The following STK24 variants were observed in gnomAD, a reference collection of about 807,000 sequenced individuals.
The protein encoded by STK24 is serine/threonine-protein kinase 24.
STK24 carries 21 observed loss-of-function variants against 55.6 expected under a neutral mutation model. The ratio of observed to expected loss-of-function variants is 0.38; its 90% CI spans 0.27 to 0.54. STK24 has a LOEUF of 0.54. Among genes scored for constraint, STK24 ranks in the 20% least tolerant of loss-of-function variants. The pLI, the probability that STK24 is intolerant of heterozygous loss-of-function variation, is 0.79. For missense variants in STK24, 383 were observed against 538.4 expected (o/e 0.71, Z 2.86); for synonymous variants, 200 against 215.2 (o/e 0.93, Z 0.62).
At chr13:98,466,228 G>T in intron 6 of STK24, 148 bp downstream of exon 6, 2 of 663,552 alleles carry the variant, frequency 3.0e-6, no homozygotes, top group Non-Finnish European at 4.5e-6. Flanking sequence ...GCAAACCAAA[G>T]AAGTCAATCA....
chr13:98,482,344 G>A (rs1594597283), intron 2 of STK24, 23 bp from the exon 3 acceptor site: 8 of 1,431,062 alleles, frequency 5.6e-6, no homozygotes, highest in South Asian at 1.3e-5. Flanking sequence ...AAAAAGAAGA[G>A]AATCATTTTC....
At chr13:98,574,088 C>T (rs1897812987) in intron 1 of STK24, among the ~76,000 whole-genome samples, 2 of 152,152 alleles carry the variant, frequency 1.3e-5, no homozygotes, top group South Asian at 2.1e-4. Flanking sequence ...CTCAGCTCAA[C>T]GCAACCTCCG....
intron 2 of STK24, among the ~76,000 whole-genome samples, chr13:98,505,760 G>A (rs1304750755): frequency 1.3e-5 from 2 of 152,180 alleles, no homozygotes; most frequent in Admixed American, 6.5e-5. Flanking sequence ...TAACTGCACA[G>A]CTAGCAAAAG....
intron 5 of STK24, among the ~76,000 whole-genome samples, chr13:98,472,314 T>C (rs1364348037): frequency 6.6e-6 from 1 of 152,182 alleles, no homozygotes; most frequent in Non-Finnish European, 1.5e-5. Context: ...CATAAGAGTT[T>C]GCTCATGATT....
At chr13:98,554,068 CAA>C (rs36119384) in intron 1 of STK24, among the ~76,000 whole-genome samples, 21 of 98,096 alleles carry the variant, frequency 2.1e-4, no homozygotes, top group Admixed American at 2.3e-4. Flanking sequence ...GACTCAGTCT[CAA>C]AAAAAAAAAA....
intron 2 of STK24, among the ~76,000 whole-genome samples, chr13:98,503,024 G>GGTTTTTTTTTTTTTTT (rs759314930): frequency 9.3e-6 from 1 of 107,084 alleles, no homozygotes; most frequent in African/African-American, 4.0e-5. Context: ...CTTTCCATGT[G>GGTTTTTTTTTTTTTTT]TTTTTTTTTT....
intron 3 of STK24, among the ~76,000 whole-genome samples, chr13:98,477,631 C>T (rs1357911765): frequency 1.1e-4 from 16 of 150,250 alleles, no homozygotes; most frequent in African/African-American, 3.7e-4. Context: ...GCCAAGATCG[C>T]ACCATTGCAC....
At chr13:98,524,688 T>C (rs1489417198) in intron 1 of STK24, among the ~76,000 whole-genome samples, 2 of 152,148 alleles carry the variant, frequency 1.3e-5, no homozygotes, top group Non-Finnish European at 2.9e-5. Flanking sequence ...CAACAGATAA[T>C]AGAATTCAAC....
At chr13:98,538,368 G>A (rs1213277122) in intron 1 of STK24, among the ~76,000 whole-genome samples, 3 of 151,776 alleles carry the variant, frequency 2.0e-5, no homozygotes, top group Non-Finnish European at 4.4e-5. Flanking sequence ...GGGGTTACAG[G>A]TGCCCACCAC....
intron 7 of STK24, among the ~76,000 whole-genome samples, chr13:98,462,969 TC>T (rs1288983639): frequency 6.6e-6 from 1 of 152,122 alleles, no homozygotes; most frequent in East Asian, 1.9e-4. Flanking sequence ...CTCAAGAACT[TC>T]CGGGGGCAGT....
At chr13:98,496,657 T>C (rs114551387) in intron 2 of STK24, among the ~76,000 whole-genome samples, 1,574 of 152,320 alleles carry the variant, frequency 0.01, 27 homozygotes, top group African/African-American at 0.034. Flanking sequence ...TCTGGGGAAA[T>C]TGCCACTAAA....
intron 2 of STK24, among the ~76,000 whole-genome samples, chr13:98,490,848 A>C (rs1194451090): frequency 6.6e-6 from 1 of 150,972 alleles, no homozygotes; most frequent in Admixed American, 6.6e-5. Context: ...AAAAAAAAAC[A>C]GAACACTGGA....
At chr13:98,465,685 CA>C (rs755551115) in intron 6 of STK24, among the ~76,000 whole-genome samples, 8 of 152,316 alleles carry the variant, frequency 5.3e-5, no homozygotes, top group Admixed American at 1.3e-4. Context: ...CCCATTTTTA[CA>C]TAAGAGTTAA....
chr13:98,512,526 C>T (rs1049376428), intron 2 of STK24, among the ~76,000 whole-genome samples: 3 of 150,120 alleles, frequency 2.0e-5, no homozygotes, highest in East Asian at 3.9e-4. Flanking sequence ...TCATGTCTAC[C>T]GAGAAACAAA....
rs138975789 is a variant in STK24, at chr13:98,446,698, C to A, written c.*6475G>T. On this transcript the variant is annotated 3_prime_UTR_variant, in exon 11 of 11. Coordinates refer to ENST00000539966, the MANE Select transcript of STK24 (RefSeq NM_001032296.4). ...ATCCCCTTGCCAGCCTGCCTCTGCT[C>A]GGCTACTCGCTCACCATCCCCTCTG... is the stretch of plus-strand genomic sequence containing the variant. 5 of 1,613,998 alleles carry A rather than the reference C, an allele frequency of 3.1e-6. No homozygotes were observed. The highest frequency in any genetic ancestry group is 4.2e-6 in the Non-Finnish European group (5 of 1,180,018).
intron 2 of STK24, among the ~76,000 whole-genome samples, chr13:98,509,228 T>C (rs1211863744): frequency 1.3e-5 from 2 of 152,164 alleles, no homozygotes; most frequent in African/African-American, 2.4e-5. Flanking sequence ...TTATGATTAA[T>C]AGAAATGGAA....
intron 5 of STK24, among the ~76,000 whole-genome samples, chr13:98,474,590 G>T (rs1476522213): frequency 6.6e-6 from 1 of 151,894 alleles, no homozygotes; most frequent in African/African-American, 2.4e-5. Flanking sequence ...AACAAACATA[G>T]CCTGAGTTAA....
chr13:98,464,913 T>C (rs1893872127), intron 6 of STK24, among the ~76,000 whole-genome samples: 1 of 152,228 alleles, frequency 6.6e-6, no homozygotes, highest in Non-Finnish European at 1.5e-5. Flanking sequence ...TTTTCCTGTC[T>C]GCTGAAAGAG....
At chr13:98,507,679 C>G (rs1213833593) in intron 2 of STK24, among the ~76,000 whole-genome samples, 1 of 152,166 alleles carries the variant, frequency 6.6e-6, no homozygotes, top group African/African-American at 2.4e-5. Context: ...GATGAGGAAA[C>G]AGAGCCCAAA....
Sources: allele counts gnomAD v4.1 joint callset (sites outside exome capture counted in the v4.1 genomes callset), GRCh38; gene constraint gnomAD v4.1.1; transcripts MANE v1.5; gene names NCBI Gene and HGNC (gene_info 2026-07-23, HGNC 2026-07-21).